Variants in EXD3 observed in about 807,000 individuals in gnomAD.
EXD3 encodes exonuclease 3'-5' domain containing 3.
A neutral mutation model predicts 98.0 loss-of-function variants in EXD3; 92 were observed. The observed-to-expected ratio is 0.94, with a 90% CI of 0.79 to 1.12. The LOEUF (loss-of-function observed/expected upper bound fraction) is 1.12. Among genes scored for constraint, EXD3 ranks in the 50% most tolerant of loss-of-function variants. The probability of loss-of-function intolerance (pLI) is 0.00; values close to 1 mark genes in which losing one functional copy is unlikely to be tolerated. For synonymous variants in EXD3, 569 were observed against 526.0 expected (o/e 1.08, Z -1.12); for missense variants, 1,222 against 1,191.6 (o/e 1.03, Z -0.38).
In EXD3 at chr9:137,407,804, C is replaced by T. The variant is rs560873047; in HGVS notation, c.-47-12400G>A. 6.9e-4 allele frequency among the ~76,000 whole-genome samples: 104 copies of T among 151,168 alleles called. No homozygotes were observed. Among genetic ancestry groups the T allele is most frequent in the Admixed American group, 2.0e-3 (31 of 15,218 alleles). ...ACAGGCATTCGAGGTCTTGGATGCG[C>T]CGGCTGGACCCAAGGACACACGCGG... On this transcript the variant is annotated intron_variant, in intron 1 of 21. Transcript: ENST00000340951. The surrounding 1 kb of genome is among the most constrained non-coding windows in gnomAD (Gnocchi z 4.4).
chr9:137,387,163 C>T (rs765125947), intron 2 of EXD3, among the ~76,000 whole-genome samples: 1 of 77,636 alleles, frequency 1.3e-5, no homozygotes, highest in Non-Finnish European at 2.3e-5. Flanking sequence ...TCGGCCCCCG[C>T]TCCCTGCCTG....
chr9:137,330,306 AGGAACTACACC>A (rs1348029476), intron 17 of EXD3, among the ~76,000 whole-genome samples: 1 of 134,810 alleles, frequency 7.4e-6, no homozygotes, highest in African/African-American at 3.0e-5. Context: ...GGAGCTACAC[AGGAACTACACC>A]GGAGCTACAC....
intron 6 of EXD3, among the ~76,000 whole-genome samples, 194 bp from the exon 7 acceptor site, chr9:137,366,826 A>G (rs1258810169): frequency 2.0e-5 from 3 of 152,194 alleles, no homozygotes; most frequent in African/African-American, 7.2e-5. Context: ...CTCTGTGGCC[A>G]TCCCCATCTC....
At chr9:137,317,354 G>A (rs1463676658) in intron 19 of EXD3, among the ~76,000 whole-genome samples, 1 of 152,116 alleles carries the variant, frequency 6.6e-6, no homozygotes, top group Non-Finnish European at 1.5e-5. Flanking sequence ...CTGGCACCCC[G>A]AGGACAGCCT....
intron 3 of EXD3, among the ~76,000 whole-genome samples, chr9:137,381,989 G>T (rs1304821492): frequency 1.3e-5 from 2 of 149,520 alleles, no homozygotes; most frequent in African/African-American, 5.0e-5. Context: ...ACGCAGAGGA[G>T]GTGAGGACGC....
chr9:137,381,415 CAAAAAAAAAAAAA>C (rs61183889), intron 3 of EXD3, among the ~76,000 whole-genome samples: 554 of 50,848 alleles, frequency 0.011, 5 homozygotes, highest in African/African-American at 0.034. Context: ...GACTCCTTCT[CAAAAAAAAAAAAA>C]AAAAAAAAAA....
At chr9:137,364,763 G>C (rs1835137033) in intron 7 of EXD3, among the ~76,000 whole-genome samples, 1 of 136,770 alleles carries the variant, frequency 7.3e-6, no homozygotes, top group South Asian at 2.4e-4. Context: ...TCACTGTTTT[G>C]TTCTATGTTT....
intron 7 of EXD3, among the ~76,000 whole-genome samples, chr9:137,364,962 G>T (rs1489315357): frequency 2.0e-5 from 3 of 151,546 alleles, no homozygotes; most frequent in Non-Finnish European, 2.9e-5. Flanking sequence ...TAGAAACGGG[G>T]TTTCACTGTG....
At chr9:137,340,711 T>C (rs1161593055) in intron 17 of EXD3, among the ~76,000 whole-genome samples, 2 of 151,902 alleles carry the variant, frequency 1.3e-5, no homozygotes, top group Admixed American at 6.6e-5. Flanking sequence ...TAAGAAATAA[T>C]GTCTCGCTAT....
Position 137,372,904 on chromosome 9 carries a change from C to T in EXD3, c.462+1G>A, listed in dbSNP as rs757932847. On this transcript the variant is annotated splice_donor_variant, in intron 5 of 21. Coordinates refer to ENST00000340951, the MANE Select transcript of EXD3 (RefSeq NM_017820.5). LOFTEE classifies it high-confidence loss of function. ...TGAGCCCGGCCACGTGGGCCACTCACTTCTCTGAACCTGCCCTCGTGGTGG... is the reference window on the plus strand; with the variant it reads ...TGAGCCCGGCCACGTGGGCCACTCATTTCTCTGAACCTGCCCTCGTGGTGG... 1.1e-5 allele frequency: 17 copies of T among 1,598,140 alleles called. No individual in the cohort carries two copies. Among genetic ancestry groups the T allele is most frequent in the Non-Finnish European group, 1.4e-5 (16 of 1,179,592 alleles).
chr9:137,404,480 C>T (rs1318445244), intron 1 of EXD3, among the ~76,000 whole-genome samples: 1 of 152,230 alleles, frequency 6.6e-6, no homozygotes, highest in Non-Finnish European at 1.5e-5. Context: ...CTTTTTATTG[C>T]CTCAGCTGCC....
At position 137,351,158 on chromosome 9, in the gene EXD3, G is replaced by A. The variant is rs368546081; in HGVS notation, c.1385-11C>T. 9 of 1,562,858 alleles carry A rather than the reference G, an allele frequency of 5.8e-6. No individual in the cohort carries two copies. Among genetic ancestry groups the A allele is most frequent in the Non-Finnish European group, 6.1e-6 (7 of 1,154,452 alleles). On this transcript the variant is annotated splice_polypyrimidine_tract_variant and intron_variant, in intron 13 of 21. Coordinates refer to ENST00000340951, the MANE Select transcript of EXD3 (RefSeq NM_017820.5). ...CCACCATCCCGTAGCCTGTGGGCAGGAACCATCGTGGGAGGGGCGCCTGCA... is the reference window on the plus strand; with the variant it reads ...CCACCATCCCGTAGCCTGTGGGCAGAAACCATCGTGGGAGGGGCGCCTGCA...
rs1564482457 is a variant in EXD3 at position 137,330,623 on chromosome 9, A to AGCTATACAGGAGCTACACAGG, written c.1999-6481_1999-6480insCCTGTGTAGCTCCTGTATAGC. On this transcript the variant is annotated intron_variant, in intron 17 of 21. Coordinates refer to ENST00000340951, the MANE Select transcript of EXD3 (RefSeq NM_017820.5). ...ACAGGACTACACAGGACTACACAGG[A>AGCTATACAGGAGCTACACAGG]ACTACACAGGACTACACAGGAGCTA... Among the ~76,000 whole-genome samples, 857 of 109,856 alleles carry AGCTATACAGGAGCTACACAGG rather than the reference A, an allele frequency of 7.8e-3. 55 individuals are homozygous for AGCTATACAGGAGCTACACAGG. Among genetic ancestry groups the AGCTATACAGGAGCTACACAGG allele is most frequent in the Non-Finnish European group, 9.5e-3 (524 of 54,934 alleles). 72.1% of individuals were successfully genotyped at this position (109,856 alleles called of 152,430 possible). A position where few individuals can be genotyped will look rare whatever the true frequency, so the allele number is the denominator to read the frequency against.
At position 137,351,378 on chromosome 9, in the gene EXD3, C is replaced by A; in HGVS notation, c.1324G>T (p.Ala442Ser). Residue 442 changes from alanine (A) to serine (S), a missense_variant, in exon 13 of 22, where the codon GCC (alanine) becomes TCC (serine). By Grantham distance (99) the Ala-to-Ser change is moderately conservative. Coordinates refer to ENST00000340951, the MANE Select transcript of EXD3 (RefSeq NM_017820.5). ...GCCACCAGCCGGGAAAAGGCCTGGG[C>A]TCCCTGCCCTGTTGGTGGCTGCGAG... Reference protein sequence around the residue: ...ALSQPPTGQGAQAFSRLVAQL... With the variant: ...ALSQPPTGQGSQAFSRLVAQL... 1.2e-6 allele frequency: 2 copies of A among 1,611,406 alleles called. No individual in the cohort carries two copies. Among genetic ancestry groups the A allele is most frequent in the Non-Finnish European group, 8.5e-7 (1 of 1,179,480 alleles).
chr9:137,392,627 G>T, intron 2 of EXD3: 1 of 311,962 alleles, frequency 3.2e-6, no homozygotes, highest in South Asian at 2.8e-5. Context: ...GATGCCTAAA[G>T]CAGCACAGAA....
chr9:137,398,560 GGCAACCGCGTCCCCAAGACACAC>G (rs2131780362), intron 1 of EXD3, among the ~76,000 whole-genome samples: 2 of 147,814 alleles, frequency 1.4e-5, no homozygotes, highest in African/African-American at 5.0e-5. Flanking sequence ...AAGACACACA[GGCAACCGCGTCCCCAAGACACAC>G]AGGCAACCGC....
Position 137,385,614 on chromosome 9 carries a change from C to T in EXD3, c.56-2237G>A, listed in dbSNP as rs1466373256. ...GCAGTGCTGTGATCTCGGCTCACTG[C>T]AACCTCCACCTCTCAGGTTCGTGAT... On this transcript the variant is annotated intron_variant, in intron 2 of 21. Coordinates refer to ENST00000340951, the MANE Select transcript of EXD3 (RefSeq NM_017820.5). This position sits in a 1 kb window ranked among gnomAD's most constrained non-coding sequence, Gnocchi z 4.4. Among the ~76,000 whole-genome samples, 3 of 152,190 alleles carry T rather than the reference C, an allele frequency of 2.0e-5. No homozygotes were observed. The highest frequency in any genetic ancestry group is 2.9e-5 in the Non-Finnish European group (2 of 68,040).
intron 6 of EXD3, 134 bp from the exon 7 acceptor site, chr9:137,366,766 G>A (rs975810979): frequency 1.7e-6 from 2 of 1,158,836 alleles, no homozygotes; most frequent in Non-Finnish European, 1.2e-6. Context: ...AGCAGTGCTC[G>A]CCCGGCCAGT....
chr9:137,386,418 G>A (rs1219859979), intron 2 of EXD3, among the ~76,000 whole-genome samples: 1 of 152,024 alleles, frequency 6.6e-6, no homozygotes, highest in Non-Finnish European at 1.5e-5. Context: ...AGTGTTGCTG[G>A]TCTTTGCCCT....
Sources: gnomAD v4.1 joint callset for allele counts (sites outside exome capture counted in the v4.1 genomes callset) on GRCh38, gnomAD v4.1.1 for gene constraint, Gnocchi (gnomAD v3.1) non-coding constraint, MANE v1.5 for transcripts, NCBI Gene and HGNC (gene_info 2026-07-23, HGNC 2026-07-21) for gene names.